NHSL1: variants seen among roughly 807,000 people sequenced by gnomAD.
NHSL1 encodes NHS-like protein 1.
Under a neutral mutation model 95.0 loss-of-function variants are expected in NHSL1, and 48 were observed. The ratio of observed to expected loss-of-function variants is 0.51; its 90% confidence interval spans 0.40 to 0.64. The LOEUF (loss-of-function observed/expected upper bound fraction) is 0.64. Among genes scored for constraint, NHSL1 ranks in the 30% least tolerant of loss-of-function variants. NHSL1 has a pLI of 0.00. For synonymous variants in NHSL1, 783 were observed against 833.9 expected, an observed-to-expected ratio of 0.94 and a Z score of 1.05; for missense variants, 1,971 against 2,077.7, an observed-to-expected ratio of 0.95 and a Z score of 1.00.
At chr6:138,561,463 G>A (rs180853932) in intron 1 of NHSL1, among the ~76,000 whole-genome samples, 305 of 152,218 alleles carry the variant, frequency 2.0e-3, no homozygotes, top group Non-Finnish European at 3.5e-3. Context: ...GCATGAAAAT[G>A]GAAAAGTAGA....
intron 1 of NHSL1, among the ~76,000 whole-genome samples, chr6:138,611,015 T>C (rs553971416): frequency 5.9e-5 from 9 of 151,682 alleles, no homozygotes; most frequent in East Asian, 1.9e-4. Flanking sequence ...AAGGTGGAGG[T>C]TGCAATAAGC....
At chr6:138,488,700 A>C (rs1190717072) in intron 2 of NHSL1, among the ~76,000 whole-genome samples, 1 of 152,214 alleles carries the variant, frequency 6.6e-6, no homozygotes, top group Non-Finnish European at 1.5e-5. Flanking sequence ...GCATTTCTAA[A>C]TTAACTGGCT....
intron 2 of NHSL1, among the ~76,000 whole-genome samples, chr6:138,480,333 C>T (rs1207870080): frequency 2.6e-5 from 4 of 152,120 alleles, no homozygotes; most frequent in African/African-American, 7.2e-5. Flanking sequence ...ATTTTCCATT[C>T]GCATTTGGTT....
intron 3 of NHSL1, among the ~76,000 whole-genome samples, chr6:138,472,183 C>CAAAA (rs10668786): frequency 2.0e-3 from 185 of 92,418 alleles, no homozygotes; most frequent in African/African-American, 6.2e-3. Context: ...AAGATCTCAC[C>CAAAA]AAAAAAAAAA....
At chr6:138,673,597 GA>G (rs2114768171) in intron 1 of NHSL1, among the ~76,000 whole-genome samples, 1 of 152,170 alleles carries the variant, frequency 6.6e-6, no homozygotes, top group South Asian at 2.1e-4. Context: ...TTAAAAAACA[GA>G]AGTTAATTTT....
intron 1 of NHSL1, among the ~76,000 whole-genome samples, chr6:138,588,856 T>C (rs2114516161): frequency 6.6e-6 from 1 of 152,268 alleles, no homozygotes; most frequent in African/African-American, 2.4e-5. Flanking sequence ...AGTATCATGG[T>C]TAGTATCCCT....
chr6:138,452,723 G>A (rs74464452), intron 3 of NHSL1, among the ~76,000 whole-genome samples: 2,217 of 152,176 alleles, frequency 0.015, 60 homozygotes, highest in African/African-American at 0.051. Context: ...GTTTCATAGG[G>A]TGCCAAAACG....
intron 1 of NHSL1, among the ~76,000 whole-genome samples, chr6:138,668,596 A>C (rs1785324473): frequency 6.6e-6 from 1 of 152,108 alleles, no homozygotes; most frequent in South Asian, 2.1e-4. Flanking sequence ...GGAAAGAAAA[A>C]AAGAATTTAA....
upstream of NHSL1, among the ~76,000 whole-genome samples, chr6:138,503,726 A>G (rs1240196219): frequency 2.0e-5 from 3 of 152,032 alleles, no homozygotes; most frequent in Non-Finnish European, 4.4e-5. Context: ...CTCAACCTTC[A>G]TTTCTATTAT....
At position 138,430,873 on chromosome 6, in the gene NHSL1, C is replaced by T; in HGVS notation, c.3472G>A (p.Gly1158Ser). The T allele has an allele frequency of 6.4e-7, 1 of 1,551,264 alleles. No homozygotes were observed. Reference protein sequence around the residue: ...GDHGSAAERGGPVSRSPGAPS... With the variant: ...GDHGSAAERGSPVSRSPGAPS... ...GCTCCAGGGCTGCGGCTCACAGGGCCACCACGCTCAGCCGCACTGCCATGG... is the reference window on the plus strand; with the variant it reads ...GCTCCAGGGCTGCGGCTCACAGGGCTACCACGCTCAGCCGCACTGCCATGG... Residue 1158 changes from glycine to serine, a missense_variant, in exon 6 of 8, where the codon GGC becomes AGC. Transcript: ENST00000343505. This position sits in a 1 kb window ranked among gnomAD's most constrained non-coding sequence, Gnocchi z 4.7.
Position 138,422,192 on chromosome 6 carries a change from T to G in NHSL1, c.*1889A>C, listed in dbSNP as rs1046370046. The G allele has an allele frequency of 2.6e-5, 4 of 152,254 alleles. No homozygotes were observed. The highest frequency in any genetic ancestry group is 7.2e-5 in the African/African-American group (3 of 41,456). The allele number at this position is 152,254 out of a possible 1,614,324, so 9.4% of individuals were successfully genotyped here. A position where few individuals can be genotyped will look rare whatever the true frequency, so the allele number is the denominator to read the frequency against. On this transcript the variant is annotated 3_prime_UTR_variant, in exon 8 of 8. Coordinates refer to ENST00000343505, the MANE Select transcript of NHSL1 (RefSeq NM_001144060.2). ...TATGTATTATTAAAGGTTTCTGATA[T>G]CCATATACATTCTAGTCTTTTTTAG...
chr6:138,492,635 T>G (rs1265600000), intron 2 of NHSL1, among the ~76,000 whole-genome samples: 2 of 152,266 alleles, frequency 1.3e-5, no homozygotes, highest in Non-Finnish European at 1.5e-5. Flanking sequence ...ATGCATTGTT[T>G]TAAAATGTAT....
At chr6:138,483,064 G>GT (rs1406638485) in intron 2 of NHSL1, among the ~76,000 whole-genome samples, 2 of 152,198 alleles carry the variant, frequency 1.3e-5, no homozygotes, top group African/African-American at 4.8e-5. Flanking sequence ...GAGCCACACC[G>GT]TGAGAAAACT....
At chr6:138,555,048 G>A (rs1014961394) in intron 1 of NHSL1, among the ~76,000 whole-genome samples, 1 of 152,062 alleles carries the variant, frequency 6.6e-6, no homozygotes, top group Non-Finnish European at 1.5e-5. Flanking sequence ...TCTTCAAATC[G>A]GCAGACCATC....
At chr6:138,625,834 G>A (rs898843888) in intron 1 of NHSL1, among the ~76,000 whole-genome samples, 1 of 151,956 alleles carries the variant, frequency 6.6e-6, no homozygotes, top group Non-Finnish European at 1.5e-5. Context: ...TGTAGAGATA[G>A]GGTCTCACCT....
At chr6:138,671,160 A>T (rs988853494) in intron 1 of NHSL1, among the ~76,000 whole-genome samples, 1 of 152,068 alleles carries the variant, frequency 6.6e-6, no homozygotes, top group Non-Finnish European at 1.5e-5. Flanking sequence ...ATCTCTAAAA[A>T]ATAAAATAAA....
rs377214561 is a variant in NHSL1 at position 138,470,959 on chromosome 6, T to C, written c.339+2347A>G. ...GTGTTTACTGGGATGTCATGACATA[T>C]CACATCATATAAAGGATGACTTTTA... On this transcript the variant is annotated intron_variant, in intron 3 of 7. Transcript: ENST00000343505. Among the ~76,000 whole-genome samples, 11 of 152,296 alleles carry C rather than the reference T, an allele frequency of 7.2e-5. No individual in the cohort carries two copies. In the East Asian group the frequency reaches 1.2e-3, roughly 16 times the overall value.
intron 1 of NHSL1, among the ~76,000 whole-genome samples, chr6:138,552,011 A>G (rs915174842): frequency 1.3e-5 from 2 of 152,212 alleles, no homozygotes; most frequent in African/African-American, 4.8e-5. Context: ...TAAGGCAACT[A>G]CACAAATGCT....
chr6:138,599,671 T>G (rs912102192), intron 1 of NHSL1, among the ~76,000 whole-genome samples: 1 of 152,224 alleles, frequency 6.6e-6, no homozygotes, highest in Non-Finnish European at 1.5e-5. Flanking sequence ...TACCTTAAGA[T>G]GATCAAATCA....
Sources: allele counts gnomAD v4.1 joint callset (sites outside exome capture counted in the v4.1 genomes callset), GRCh38; gene constraint gnomAD v4.1.1; non-coding constraint Gnocchi (gnomAD v3.1); transcripts MANE v1.5; gene names NCBI Gene and HGNC (gene_info 2026-07-23, HGNC 2026-07-21).